The following YME1L1 variants were observed in gnomAD, a reference collection of about 807,000 sequenced individuals.
The protein encoded by YME1L1 is ATP-dependent zinc metalloprotease YME1L1.
In YME1L1, 39 loss-of-function variants were observed where a neutral mutation model predicts 90.4. That is an observed-to-expected ratio of 0.43 (90% CI 0.33 to 0.56). The LOEUF is 0.56. Among genes scored for constraint, YME1L1 ranks in the 20% least tolerant of loss-of-function variants. The probability of loss-of-function intolerance (pLI) is 0.03; values close to 1 mark genes in which losing one functional copy is unlikely to be tolerated. For missense variants in YME1L1, 617 were observed against 868.4 expected, an observed-to-expected ratio of 0.71 and a Z score of 3.64; for synonymous variants, 284 against 287.3, an observed-to-expected ratio of 0.99 and a Z score of 0.12.
intron 18 of YME1L1, among the ~76,000 whole-genome samples, 153 bp from the exon 19 acceptor site, chr10:27,112,273 A>ATAAT (rs2056766678): frequency 6.6e-6 from 1 of 152,222 alleles, no homozygotes; most frequent in African/African-American, 2.4e-5. Context: ...TACAGTAGAG[A>ATAAT]TAATTTGTGC....
intron 5 of YME1L1, among the ~76,000 whole-genome samples, chr10:27,136,016 G>A (rs1219092634): frequency 6.6e-6 from 1 of 152,182 alleles, no homozygotes; most frequent in African/African-American, 2.4e-5. Flanking sequence ...CAGGTTTTTA[G>A]CTTGGGTGGA....
At chr10:27,132,930 T>C (rs548988891) in intron 7 of YME1L1, among the ~76,000 whole-genome samples, 2 of 152,328 alleles carry the variant, frequency 1.3e-5, no homozygotes, top group African/African-American at 4.8e-5. Flanking sequence ...TATCTAATGA[T>C]AGAAATCTTA....
At chr10:27,125,884 C>A (rs953181784) in intron 9 of YME1L1, among the ~76,000 whole-genome samples, 5 of 151,982 alleles carry the variant, frequency 3.3e-5, no homozygotes, top group Non-Finnish European at 4.4e-5. Flanking sequence ...TGGTTCAAGA[C>A]CAGACTGGTC....
chr10:27,121,662 T>C (rs2056868713), intron 11 of YME1L1, among the ~76,000 whole-genome samples: 1 of 152,142 alleles, frequency 6.6e-6, no homozygotes, highest in Non-Finnish European at 1.5e-5. Context: ...GTAGCTGGAA[T>C]GACAGGTGCA....
rs2057239288 is a variant in YME1L1, at chr10:27,152,873, A to G, written c.33+1305T>C. Among the ~76,000 whole-genome samples, 3 of 152,152 alleles carry G rather than the reference A, an allele frequency of 2.0e-5. No individual in the cohort carries two copies. In the South Asian group the frequency reaches 6.2e-4, roughly 31 times the overall value. ...CCACTCTTGCCCTCTCCTATTCTCCATATAGCAAAAGCCAGTCATCTCTTA... is the reference window on the plus strand; with the variant it reads ...CCACTCTTGCCCTCTCCTATTCTCCGTATAGCAAAAGCCAGTCATCTCTTA... On this transcript the variant is annotated intron_variant, in intron 1 of 18. Transcript: ENST00000376016.
Position 27,147,438 on chromosome 10 carries a change from T to C in YME1L1, c.168+1468A>G, listed in dbSNP as rs188660044. Reference sequence around the variant, plus strand: ...GCAAGAACCTGAACTAAGCCGTGACTAAGAACGATGGACAAAACAAATCAT... The same window carrying C: ...GCAAGAACCTGAACTAAGCCGTGACCAAGAACGATGGACAAAACAAATCAT... On this transcript the variant is annotated intron_variant, in intron 2 of 18. Transcript: ENST00000376016. The C allele has an allele frequency of 3.1e-6, 5 of 1,614,002 alleles. No homozygotes were observed. In the South Asian group the frequency reaches 5.5e-5, roughly 18 times the overall value.
chr10:27,149,949 G>A (rs943675474), intron 1 of YME1L1, among the ~76,000 whole-genome samples: 7 of 151,744 alleles, frequency 4.6e-5, no homozygotes, highest in Admixed American at 6.6e-5. Context: ...GGTGTTGGGC[G>A]CCTGTAATCC....
At chr10:27,131,544 A>G (rs1397528161) in intron 8 of YME1L1, among the ~76,000 whole-genome samples, 1 of 152,236 alleles carries the variant, frequency 6.6e-6, no homozygotes, top group Non-Finnish European at 1.5e-5. Context: ...ATTATCTGTC[A>G]GGATCTAAAG....
rs758202433 is a variant in YME1L1, at chr10:27,111,950, C to A, written c.*27G>T. On this transcript the variant is annotated 3_prime_UTR_variant, in exon 19 of 19. Coordinates refer to ENST00000376016, the MANE Select transcript of YME1L1 (RefSeq NM_014263.4). The stretch of plus-strand genomic sequence containing the variant: ...GCTACTTGTATTCTTGCAATAAAAC[C>A]AGCAAGCATCCATATCAAGAGAGTT... 1.2e-6 allele frequency: 2 copies of A among 1,613,416 alleles called. No individual in the cohort carries two copies. The highest frequency in any genetic ancestry group is 2.2e-5 in the South Asian group (2 of 91,034).
Position 27,110,399 on chromosome 10 carries a change from A to G in YME1L1, c.*1578T>C, listed in dbSNP as rs2056747892. The G allele has an allele frequency of 1.3e-5, 2 of 152,212 alleles. No homozygotes were observed. Among genetic ancestry groups the G allele is most frequent in the Admixed American group, 1.3e-4 (2 of 15,276 alleles). 9.4% of individuals were successfully genotyped at this position (152,212 alleles called of 1,614,324 possible). On this transcript the variant is annotated 3_prime_UTR_variant, in exon 19 of 19. Coordinates refer to ENST00000376016, the MANE Select transcript of YME1L1 (RefSeq NM_014263.4). ...CAAAAGGTCAAGAATATAATGTAAC[A>G]AGCTTCCTGTAACAATATCTATCTT...
rs1326284692 is a variant in YME1L1, at chr10:27,121,366, A to C, written c.1298+20T>G. 6.3e-7 allele frequency: 1 copy of C among 1,576,480 alleles called. No individual in the cohort carries two copies. Among genetic ancestry groups the C allele is most frequent in the East Asian group, 2.2e-5 (1 of 44,644 alleles). On this transcript the variant is annotated intron_variant, in intron 12 of 18. Transcript: ENST00000376016. Reference sequence around the variant, plus strand: ...GTAGCATGTAACAGTACTTCACAAAAATCTTCTTTTAATACTTACTTATCT... The same window carrying C: ...GTAGCATGTAACAGTACTTCACAAACATCTTCTTTTAATACTTACTTATCT...
At chr10:27,139,155 G>A (rs950429510) in intron 4 of YME1L1, among the ~76,000 whole-genome samples, 3 of 151,912 alleles carry the variant, frequency 2.0e-5, no homozygotes, top group African/African-American at 7.3e-5. Flanking sequence ...CCTCTGTCGT[G>A]CTTGCGTGTG....
At chr10:27,121,299 T>C in intron 12 of YME1L1, 87 bp downstream of exon 12, 4 of 914,002 alleles carry the variant, frequency 4.4e-6, no homozygotes, top group Non-Finnish European at 7.3e-6. Flanking sequence ...TCATACAGTG[T>C]TGATGTGATC....
intron 18 of YME1L1, among the ~76,000 whole-genome samples, chr10:27,113,651 A>G: frequency 1.3e-5 from 2 of 151,440 alleles, no homozygotes; most frequent in Non-Finnish European, 2.9e-5. Context: ...CAGCCTGGGC[A>G]ACAAGAGCAG....
chr10:27,150,803 C>CT (rs1402198619), intron 1 of YME1L1, among the ~76,000 whole-genome samples: 1 of 152,238 alleles, frequency 6.6e-6, no homozygotes, highest in South Asian at 2.1e-4. Flanking sequence ...CAAGAAATAA[C>CT]TAACTGTAGG....
intron 8 of YME1L1, 31 bp downstream of exon 8, chr10:27,131,828 T>A (rs764664575): frequency 1.3e-6 from 2 of 1,543,430 alleles, no homozygotes; most frequent in African/African-American, 2.7e-5. Context: ...AGAGGATGTA[T>A]GAAGAAGGCA....
chr10:27,136,154 C>T (rs1377783253), intron 5 of YME1L1, 122 bp downstream of exon 5: 12 of 786,350 alleles, frequency 1.5e-5, no homozygotes, highest in Admixed American at 2.6e-5. Context: ...TTACTAATCC[C>T]TTATTATTAG....
intron 6 of YME1L1, 113 bp from the exon 7 acceptor site, chr10:27,134,235 T>C: frequency 2.3e-6 from 2 of 859,996 alleles, no homozygotes; most frequent in Non-Finnish European, 3.6e-6. Flanking sequence ...CATCCAATTT[T>C]GGAATCTGGC....
chr10:27,143,690 T>A (rs1412734913), intron 3 of YME1L1, among the ~76,000 whole-genome samples: 2 of 110,854 alleles, frequency 1.8e-5, no homozygotes, highest in Non-Finnish European at 3.6e-5. Context: ...ACAGCAAGAC[T>A]CGTCTCTTTA....
Sources: allele counts gnomAD v4.1 joint callset (sites outside exome capture counted in the v4.1 genomes callset), GRCh38; gene constraint gnomAD v4.1.1; transcripts MANE v1.5; gene names NCBI Gene and HGNC (gene_info 2026-07-23, HGNC 2026-07-21).